Variants in FAM91A1 observed in about 807,000 individuals in gnomAD.
The protein encoded by FAM91A1 is protein FAM91A1.
FAM91A1 carries 41 observed loss-of-function variants against 113.5 expected under a neutral mutation model. That is an observed-to-expected ratio of 0.36 (90% CI 0.28 to 0.47). The LOEUF (loss-of-function observed/expected upper bound fraction) is 0.47, where lower values mean the gene tolerates loss of function less well. Among genes scored for constraint, FAM91A1 ranks in the 20% least tolerant of loss-of-function variants. The pLI is 1.00. For synonymous variants in FAM91A1, 307 were observed against 347.9 expected, an observed-to-expected ratio of 0.88 and a Z score of 1.31; for missense variants, 696 against 1,001.2, an observed-to-expected ratio of 0.70 and a Z score of 4.11.
At chr8:123,773,709 G>T (rs1336923168) in intron 1 of FAM91A1, among the ~76,000 whole-genome samples, 1 of 152,056 alleles carries the variant, frequency 6.6e-6, no homozygotes, top group Non-Finnish European at 1.5e-5. Context: ...TAAATGTAGG[G>T]GCAGGAAACC....
At chr8:123,784,367 G>A (rs1815198814) in intron 8 of FAM91A1, 103 bp from the exon 9 acceptor site, 3 of 761,706 alleles carry the variant, frequency 3.9e-6, no homozygotes, top group Non-Finnish European at 6.1e-6. Flanking sequence ...GCTGCATTCA[G>A]TCCCTAAGTT....
At chr8:123,775,330 A>G (rs780606580) in intron 3 of FAM91A1, 32 bp downstream of exon 3, 4 of 1,607,836 alleles carry the variant, frequency 2.5e-6, no homozygotes, top group Non-Finnish European at 1.7e-6. Flanking sequence ...GCCAGTGGGA[A>G]TGGGATGGGA....
chr8:123,813,652 T>A lies in FAM91A1; in HGVS notation c.*948T>A, dbSNP rs1345293163. On this transcript the variant is annotated 3_prime_UTR_variant, in exon 24 of 24. Transcript: ENST00000334705. ...AAGACATACTCTTAAGCAATCTGGATCTTAAATTTATGTGAATACTTTTTT... is the reference window on the plus strand; with the variant it reads ...AAGACATACTCTTAAGCAATCTGGAACTTAAATTTATGTGAATACTTTTTT... 1 of 152,278 alleles carries A rather than the reference T, an allele frequency of 6.6e-6. No individual in the cohort carries two copies. The highest frequency in any genetic ancestry group is 1.5e-5 in the Non-Finnish European group (1 of 68,042). The allele number at this position is 152,278 out of a possible 1,614,324, so 9.4% of individuals were successfully genotyped here. A position where few individuals can be genotyped will look rare whatever the true frequency, so the allele number is the denominator to read the frequency against.
chr8:123,782,987 TA>T (rs1267705641), intron 8 of FAM91A1, among the ~76,000 whole-genome samples: 2 of 151,988 alleles, frequency 1.3e-5, no homozygotes, highest in Non-Finnish European at 2.9e-5. Context: ...CTGGGCAATA[TA>T]AAGGGACCCC....
intron 15 of FAM91A1, among the ~76,000 whole-genome samples, chr8:123,793,376 G>C (rs1321699819): frequency 6.6e-6 from 1 of 152,144 alleles, no homozygotes; most frequent in Non-Finnish European, 1.5e-5. Context: ...TTGATGGTTG[G>C]AAATTGGTAA....
intron 12 of FAM91A1, 103 bp from the exon 13 acceptor site, chr8:123,787,158 A>T: frequency 1.2e-6 from 1 of 851,140 alleles, no homozygotes; most frequent in Non-Finnish European, 1.9e-6. Context: ...AAAATTATGT[A>T]CTTTCTGGTT....
At chr8:123,775,359 T>A in intron 3 of FAM91A1, 61 bp downstream of exon 3, 1 of 1,563,190 alleles carries the variant, frequency 6.4e-7, no homozygotes, top group Non-Finnish European at 8.7e-7. Context: ...CTGGGACTTT[T>A]TGCAGATGTT....
intron 20 of FAM91A1, 77 bp downstream of exon 20, chr8:123,806,306 C>T: frequency 1.4e-6 from 2 of 1,427,566 alleles, no homozygotes; most frequent in South Asian, 1.5e-5. Flanking sequence ...TGAAAAGCAG[C>T]AGACCTTTGT....
intron 5 of FAM91A1, 65 bp from the exon 6 acceptor site, chr8:123,778,594 T>A: frequency 9.3e-7 from 1 of 1,073,546 alleles, no homozygotes; most frequent in Non-Finnish European, 1.4e-6. Flanking sequence ...TCTTATGATA[T>A]GATTGATGAA....
intron 3 of FAM91A1, among the ~76,000 whole-genome samples, chr8:123,776,704 T>C (rs528386826): frequency 1.3e-5 from 2 of 152,344 alleles, no homozygotes; most frequent in South Asian, 2.1e-4. Context: ...TATTCTATCA[T>C]TGGGTATAGT....
chr8:123,777,941 C>T (rs913544719), intron 4 of FAM91A1, 84 bp from the exon 5 acceptor site: 77 of 1,168,788 alleles, frequency 6.6e-5, no homozygotes, highest in South Asian at 4.7e-4. Context: ...AAAATAAGCT[C>T]GGGTTTTTCC....
rs562930994 is a variant in FAM91A1 at position 123,799,732 on chromosome 8, T to C, written c.1696-40T>C. 8.3e-5 allele frequency: 134 copies of C among 1,605,050 alleles called. 3 individuals carry two copies. In the South Asian group the frequency reaches 1.5e-3, roughly 18 times the overall value. Reference sequence around the variant, plus strand: ...AGATAATTTCTTAATATTTTCCTTATTTCTGAATGCCATTTTACCTGTTAA... The same window carrying C: ...AGATAATTTCTTAATATTTTCCTTACTTCTGAATGCCATTTTACCTGTTAA... On this transcript the variant is annotated intron_variant, in intron 17 of 23. Coordinates refer to ENST00000334705, the MANE Select transcript of FAM91A1 (RefSeq NM_144963.4).
Position 123,794,490 on chromosome 8 carries a change from C to T in FAM91A1, c.1412-3600C>T, listed in dbSNP as rs187208646. The stretch of plus-strand genomic sequence containing the variant: ...AAGATATAGTATTAAGCTATAACTG[C>T]ATAGAATTACCTGTAGTACATATGG... On this transcript the variant is annotated intron_variant, in intron 15 of 23. Coordinates refer to ENST00000334705, the MANE Select transcript of FAM91A1 (RefSeq NM_144963.4). Among the ~76,000 whole-genome samples, 351 of 152,288 alleles carry T rather than the reference C, an allele frequency of 2.3e-3. 2 individuals carry two copies. Among genetic ancestry groups the T allele is most frequent in the African/African-American group, 8.1e-3 (336 of 41,576 alleles).
intron 8 of FAM91A1, 120 bp downstream of exon 8, chr8:123,780,662 A>G (rs1815098577): frequency 5.3e-6 from 4 of 749,734 alleles, no homozygotes; most frequent in Non-Finnish European, 8.3e-6. Context: ...TTGCTTCGTT[A>G]TTACATTTTA....
chr8:123,787,609 T>A lies in FAM91A1; in HGVS notation c.1192-55T>A, dbSNP rs1815290368. ...AGGATAATATAAATATTTGATAGTA[T>A]GCTTAGCATAAAAAGGGAGAAGTAG... On this transcript the variant is annotated intron_variant, in intron 13 of 23. Coordinates refer to ENST00000334705, the MANE Select transcript of FAM91A1 (RefSeq NM_144963.4). The A allele has an allele frequency of 2.2e-6, 3 of 1,377,140 alleles. No individual in the cohort carries two copies. The East Asian group carries it at 7.2e-5, about 33-fold the overall frequency. 85.3% of individuals were successfully genotyped at this position (1,377,140 alleles called of 1,614,324 possible).
intron 8 of FAM91A1, 42 bp downstream of exon 8, chr8:123,780,584 A>T (rs1448127745): frequency 5.3e-6 from 8 of 1,517,478 alleles, no homozygotes; most frequent in Non-Finnish European, 6.4e-6. Context: ...TTGAATGGAT[A>T]TCAGGTGCTA....
chr8:123,798,043 C>A, intron 15 of FAM91A1, 47 bp from the exon 16 acceptor site: 1 of 1,528,404 alleles, frequency 6.5e-7, no homozygotes, highest in Non-Finnish European at 8.8e-7. Flanking sequence ...ATTTTTGTTT[C>A]ACACTCTCAG....
chr8:123,792,994 C>T lies in FAM91A1; in HGVS notation c.1411+3249C>T, dbSNP rs140803962. On this transcript the variant is annotated intron_variant, in intron 15 of 23. Transcript: ENST00000334705. ...GCTTGTTTAAGCTTCTCTCCTTCTT[C>T]CAGCCCCATGAACTTTGACTCACCC... is the stretch of plus-strand genomic sequence containing the variant. 7.2e-3 allele frequency among the ~76,000 whole-genome samples: 1,103 copies of T among 152,276 alleles called. 3 individuals are homozygous for T. The highest frequency in any genetic ancestry group is 0.011 in the Non-Finnish European group (760 of 68,022).
intron 1 of FAM91A1, among the ~76,000 whole-genome samples, chr8:123,771,352 A>G (rs898835467): frequency 3.3e-5 from 5 of 152,184 alleles, no homozygotes; most frequent in African/African-American, 9.7e-5. Context: ...CCTTCTATGG[A>G]AAGAATTTGT....
Sources: allele counts gnomAD v4.1 joint callset (sites outside exome capture counted in the v4.1 genomes callset), GRCh38; gene constraint gnomAD v4.1.1; transcripts MANE v1.5; gene names NCBI Gene and HGNC (gene_info 2026-07-23, HGNC 2026-07-21).